Variants in MYO1D observed in about 807,000 individuals in gnomAD.
MYO1D encodes myosin ID.
In MYO1D, 83 loss-of-function variants were observed where a neutral mutation model predicts 122.0. That is an observed-to-expected ratio of 0.68 (90% CI 0.57 to 0.82). The LOEUF (loss-of-function observed/expected upper bound fraction) is 0.82, where lower values mean the gene tolerates loss of function less well. Among genes scored for constraint, MYO1D ranks in the 40% least tolerant of loss-of-function variants. The pLI, the probability that MYO1D is intolerant of heterozygous loss-of-function variation, is 0.00. For synonymous variants in MYO1D, 464 were observed against 446.9 expected, an observed-to-expected ratio of 1.04 and a Z score of -0.48; for missense variants, 1,157 against 1,269.5, an observed-to-expected ratio of 0.91 and a Z score of 1.35.
At chr17:32,577,033 T>C (rs1348853526) in intron 21 of MYO1D, among the ~76,000 whole-genome samples, 2 of 152,038 alleles carry the variant, frequency 1.3e-5, no homozygotes, top group African/African-American at 4.8e-5. Context: ...GTGGATTGCC[T>C]GAGCTCAGGA....
chr17:32,538,728 A>T (rs1214351530), intron 21 of MYO1D, among the ~76,000 whole-genome samples: 2 of 152,216 alleles, frequency 1.3e-5, no homozygotes, highest in Non-Finnish European at 2.9e-5. Context: ...CGGATAAAGA[A>T]AATGTGATAT....
At position 32,856,953 on chromosome 17, in the gene MYO1D, C is replaced by T. The variant is rs1375909077; in HGVS notation, c.95+19825G>A. Among the ~76,000 whole-genome samples the T allele has an allele frequency of 5.3e-5, 8 of 152,340 alleles. 1 individual carries two copies. The highest frequency in any genetic ancestry group is 3.9e-4 in the Admixed American group (6 of 15,308). On this transcript the variant is annotated intron_variant, in intron 1 of 21. Transcript: ENST00000318217. Reference sequence around the variant, plus strand: ...CCCTCCCCCCAAGTCTGTATCATTGCTCTCTATTCCTTTCCATATGTATGA... The same window carrying T: ...CCCTCCCCCCAAGTCTGTATCATTGTTCTCTATTCCTTTCCATATGTATGA...
intron 19 of MYO1D, among the ~76,000 whole-genome samples, chr17:32,639,716 G>C (rs975884999): frequency 1.3e-5 from 2 of 151,900 alleles, no homozygotes; most frequent in Non-Finnish European, 2.9e-5. Flanking sequence ...ACTAATCAAC[G>C]TACCTAGCAC....
chr17:32,504,147 C>T (rs1242262543), intron 21 of MYO1D, among the ~76,000 whole-genome samples: 1 of 152,202 alleles, frequency 6.6e-6, no homozygotes, highest in Admixed American at 6.5e-5. Flanking sequence ...TGTCGGCAGC[C>T]AGCATGCCCT....
intron 21 of MYO1D, among the ~76,000 whole-genome samples, chr17:32,582,807 A>G (rs1455591895): frequency 1.3e-5 from 2 of 152,166 alleles, no homozygotes; most frequent in African/African-American, 4.8e-5. Flanking sequence ...TTTTTGCTTT[A>G]TACATTTTGA....
chr17:32,764,745 G>T, intron 8 of MYO1D, 133 bp downstream of exon 8: 1 of 953,570 alleles, frequency 1.0e-6, no homozygotes, highest in Non-Finnish European at 1.6e-6. Context: ...GGCTTGTATG[G>T]CCAGAAAGTA....
chr17:32,582,651 TAGTTCAACTC>T (rs143323443), intron 21 of MYO1D, among the ~76,000 whole-genome samples: 24,078 of 152,060 alleles, frequency 0.16, 2,065 homozygotes, highest in Middle Eastern at 0.28. Context: ...AAATGGTAAC[TAGTTCAACTC>T]AGTTCAACTC....
At chr17:32,715,086 GA>G in intron 15 of MYO1D, among the ~76,000 whole-genome samples, 1 of 152,310 alleles carries the variant, frequency 6.6e-6, no homozygotes, top group Admixed American at 6.5e-5. Context: ...GATCATTAGA[GA>G]AATGCAAATC....
intron 1 of MYO1D, among the ~76,000 whole-genome samples, chr17:32,803,808 A>G (rs2090481912): frequency 6.6e-6 from 1 of 152,264 alleles, no homozygotes; most frequent in Non-Finnish European, 1.5e-5. Flanking sequence ...CAACATCTGC[A>G]AAGCAGAGCT....
chr17:32,546,596 G>A (rs1004641390), intron 21 of MYO1D, among the ~76,000 whole-genome samples: 2 of 152,214 alleles, frequency 1.3e-5, no homozygotes, highest in African/African-American at 2.4e-5. Context: ...TAGAGAAGCA[G>A]AAAAAGGATT....
At chr17:32,645,336 T>C (rs1007747029) in intron 19 of MYO1D, among the ~76,000 whole-genome samples, 2 of 152,170 alleles carry the variant, frequency 1.3e-5, no homozygotes, top group Admixed American at 1.3e-4. Context: ...GCCCTTAACA[T>C]TTTTTCCTTC....
At chr17:32,779,639 T>G (rs2090215272) in intron 2 of MYO1D, among the ~76,000 whole-genome samples, 1 of 152,118 alleles carries the variant, frequency 6.6e-6, no homozygotes, top group Admixed American at 6.5e-5. Context: ...AACGTTTTGC[T>G]TTTACTCCAC....
At position 32,712,183 on chromosome 17, in the gene MYO1D, G is replaced by T. The variant is rs1879844942; in HGVS notation, c.1926C>A (p.Ile642=). The T allele has an allele frequency of 6.2e-7, 1 of 1,612,692 alleles. No homozygotes were observed. The highest frequency in any genetic ancestry group is 1.1e-5 in the South Asian group (1 of 91,064). The change falls in exon 16 of 22, where the codon ATC becomes ATA. Residue 642 remains isoleucine, a synonymous_variant. Coordinates refer to ENST00000318217, the MANE Select transcript of MYO1D (RefSeq NM_015194.3). ...YEKFLHRYKM[I]SEFTWPNHDL... ...CATGGTTGGGCCAGGTGAATTCAGA[G>T]ATCATCTTATACCTGGATGAAAAAA...
intron 1 of MYO1D, among the ~76,000 whole-genome samples, chr17:32,783,497 T>G (rs548850315): frequency 1.3e-5 from 2 of 152,208 alleles, no homozygotes; most frequent in Non-Finnish European, 2.9e-5. Flanking sequence ...GGGTCCAGCC[T>G]GGACAACACA....
chr17:32,875,037 C>G (rs570215188), intron 1 of MYO1D, among the ~76,000 whole-genome samples: 1 of 152,278 alleles, frequency 6.6e-6, no homozygotes, highest in African/African-American at 2.4e-5. Flanking sequence ...GAAAATTCTG[C>G]AAAAGCTCTG....
chr17:32,742,643 G>T (rs2089785681), intron 13 of MYO1D, among the ~76,000 whole-genome samples: 1 of 152,170 alleles, frequency 6.6e-6, no homozygotes, highest in Admixed American at 6.5e-5. Flanking sequence ...CCCTCAAAAT[G>T]AATGTACCTT....
chr17:32,621,580 C>A (rs1221376981), intron 20 of MYO1D, among the ~76,000 whole-genome samples: 1 of 152,124 alleles, frequency 6.6e-6, no homozygotes, highest in Admixed American at 6.6e-5. Flanking sequence ...TCAAAGCCAA[C>A]CCTTAATTAC....
chr17:32,694,657 C>T (rs898674720), intron 16 of MYO1D, among the ~76,000 whole-genome samples: 15 of 145,572 alleles, frequency 1.0e-4, no homozygotes, highest in African/African-American at 2.6e-4. Context: ...GCCGAGATTG[C>T]GCCACTGCAG....
intron 1 of MYO1D, among the ~76,000 whole-genome samples, chr17:32,859,455 G>A (rs1008946231): frequency 6.6e-6 from 1 of 152,044 alleles, no homozygotes; most frequent in Non-Finnish European, 1.5e-5. Flanking sequence ...ACTCTAATCT[G>A]GGCCCCTGTG....
Sources: gnomAD v4.1 joint callset for allele counts (sites outside exome capture counted in the v4.1 genomes callset) on GRCh38, gnomAD v4.1.1 for gene constraint, MANE v1.5 for transcripts, NCBI Gene and HGNC (gene_info 2026-07-23, HGNC 2026-07-21) for gene names.